ALK: variants seen among roughly 807,000 people sequenced by gnomAD.
ALK encodes the protein ALK tyrosine kinase receptor.
A neutral mutation model predicts 163.1 loss-of-function variants in ALK; 74 were observed. That is an observed-to-expected ratio of 0.45 (90% CI 0.38 to 0.55). The LOEUF is 0.55. Among genes scored for constraint, ALK ranks in the 20% least tolerant of loss-of-function variants. The pLI is 0.00. For synonymous variants in ALK, 960 were observed against 843.2 expected (o/e 1.14, Z -2.40); for missense variants, 2,063 against 2,105.3 (o/e 0.98, Z 0.39).
intron 19 of ALK, 37 bp from the exon 20 acceptor site, chr2:29,223,565 G>A (rs776569366): frequency 4.4e-6 from 7 of 1,606,686 alleles, no homozygotes; most frequent in Non-Finnish European, 5.9e-6. Context: ...TGGCCTGGCA[G>A]CCTGGCCCTT....
intron 22 of ALK, chr2:29,221,221 ACT>A (rs774354425): frequency 7.4e-5 from 40 of 537,744 alleles, no homozygotes; most frequent in Non-Finnish European, 1.1e-5. Flanking sequence ...AAGCAAAACA[ACT>A]GCTTCCAAGA....
At chr2:29,559,368 G>T (rs566322136) in intron 3 of ALK, among the ~76,000 whole-genome samples, 6 of 152,290 alleles carry the variant, frequency 3.9e-5, no homozygotes, top group African/African-American at 1.4e-4. Context: ...AAATAGGTAG[G>T]AGAAGCAGCC....
intron 4 of ALK, among the ~76,000 whole-genome samples, chr2:29,461,112 G>C (rs1296087783): frequency 6.6e-6 from 1 of 152,200 alleles, no homozygotes; most frequent in African/African-American, 2.4e-5. Context: ...CAAGAACAAG[G>C]CTCTAACTCT....
chr2:29,618,246 T>C (rs1302688426), intron 3 of ALK, among the ~76,000 whole-genome samples: 2 of 152,212 alleles, frequency 1.3e-5, no homozygotes, highest in South Asian at 2.1e-4. Flanking sequence ...GCAATTATAG[T>C]TGTGATTTAA....
At chr2:29,318,730 C>A (rs746306069) in intron 7 of ALK, among the ~76,000 whole-genome samples, 4 of 152,102 alleles carry the variant, frequency 2.6e-5, no homozygotes, top group Non-Finnish European at 5.9e-5. Context: ...CCACGCCCGG[C>A]TAATTTTTTG....
rs78704729 is a variant in ALK at position 29,803,708 on chromosome 2, G to A, written c.668-86011C>T. Among the ~76,000 whole-genome samples the A allele has an allele frequency of 4.8e-3, 731 of 152,230 alleles. 4 individuals are homozygous for A. Among genetic ancestry groups the A allele is most frequent in the African/African-American group, 0.016 (672 of 41,524 alleles). On this transcript the variant is annotated intron_variant, in intron 1 of 28. Transcript: ENST00000389048. ...ATTCATGTAGAATAAACATTGTCTC[G>A]GCTTGTCTACATAGTGAAATGTAGA... is the stretch of plus-strand genomic sequence containing the variant.
At chr2:29,372,952 A>T (rs895073205) in intron 5 of ALK, among the ~76,000 whole-genome samples, 9 of 152,172 alleles carry the variant, frequency 5.9e-5, no homozygotes, top group Admixed American at 5.9e-4. Flanking sequence ...TCACATCTGG[A>T]ATTAATTTAT....
intron 3 of ALK, among the ~76,000 whole-genome samples, chr2:29,552,370 T>C (rs898835396): frequency 1.1e-4 from 16 of 152,196 alleles, no homozygotes; most frequent in Non-Finnish European, 2.4e-4. Flanking sequence ...TATGCAGGAA[T>C]GGAATTGCTG....
intron 1 of ALK, among the ~76,000 whole-genome samples, chr2:29,911,444 T>C (rs1667700119): frequency 6.6e-6 from 1 of 152,230 alleles, no homozygotes; most frequent in Non-Finnish European, 1.5e-5. Context: ...TTATCATCTC[T>C]CTACTTTCAT....
intron 3 of ALK, among the ~76,000 whole-genome samples, chr2:29,640,924 T>C (rs1172683914): frequency 6.6e-6 from 1 of 151,752 alleles, no homozygotes; most frequent in East Asian, 1.9e-4. Context: ...GAAAGAGTAT[T>C]ATGAATAGAA....
chr2:29,207,028 G>A (rs1669329119), intron 26 of ALK, 143 bp downstream of exon 26: 17 of 714,690 alleles, frequency 2.4e-5, no homozygotes, highest in Non-Finnish European at 4.1e-5. Context: ...TCACGTTTGA[G>A]AACCACTGTT....
chr2:29,830,713 TAAAAAAAAAAAAAAA>T (rs530774574), intron 1 of ALK, among the ~76,000 whole-genome samples: 21 of 28,994 alleles, frequency 7.2e-4, no homozygotes, highest in Admixed American at 4.6e-3. Flanking sequence ...TAAAATAGTT[TAAAAAAAAAAAAAAA>T]AAAAAAAAAA....
At chr2:29,478,125 A>T (rs1671572348) in intron 4 of ALK, among the ~76,000 whole-genome samples, 1 of 152,220 alleles carries the variant, frequency 6.6e-6, no homozygotes, top group Non-Finnish European at 1.5e-5. Flanking sequence ...CTGTGGCTCC[A>T]GACCCAACAG....
intron 1 of ALK, among the ~76,000 whole-genome samples, chr2:29,855,683 G>A (rs573897995): frequency 5.3e-5 from 8 of 152,250 alleles, no homozygotes; most frequent in Admixed American, 3.9e-4. Context: ...TCTATGTCCC[G>A]GTTCTTGTGT....
chr2:29,649,244 A>AG (rs761848685), intron 3 of ALK, among the ~76,000 whole-genome samples: 4 of 112,174 alleles, frequency 3.6e-5, no homozygotes, highest in Admixed American at 8.7e-5. Context: ...GAGAGAGAGA[A>AG]AGTGCGTGCG....
intron 4 of ALK, among the ~76,000 whole-genome samples, chr2:29,487,131 T>C (rs904142492): frequency 1.3e-5 from 2 of 152,220 alleles, no homozygotes; most frequent in Non-Finnish European, 2.9e-5. Flanking sequence ...TAACAAGCGA[T>C]ACTCTAACTT....
intron 3 of ALK, among the ~76,000 whole-genome samples, chr2:29,693,069 A>T (rs1159239488): frequency 6.6e-6 from 1 of 152,166 alleles, no homozygotes; most frequent in Non-Finnish European, 1.5e-5. Flanking sequence ...TAAGTGATTC[A>T]CACAAAATAT....
chr2:29,522,255 T>C (rs1216880160), intron 4 of ALK, among the ~76,000 whole-genome samples: 1 of 152,076 alleles, frequency 6.6e-6, no homozygotes, highest in Non-Finnish European at 1.5e-5. Flanking sequence ...AGCCTCAGCT[T>C]CCCCACTGTA....
intron 1 of ALK, among the ~76,000 whole-genome samples, chr2:29,786,136 G>A (rs1471327493): frequency 1.3e-5 from 2 of 152,124 alleles, no homozygotes; most frequent in Non-Finnish European, 2.9e-5. Context: ...GAATGCTACC[G>A]ATTTTCACGT....
Sources: allele counts gnomAD v4.1 joint callset (sites outside exome capture counted in the v4.1 genomes callset), GRCh38; gene constraint gnomAD v4.1.1; transcripts MANE v1.5; gene names NCBI Gene and HGNC (gene_info 2026-07-23, HGNC 2026-07-21).